Variants in AGMO observed in about 807,000 individuals in gnomAD.
AGMO encodes the protein glyceryl-ether monooxygenase.
Under a neutral mutation model 60.2 loss-of-function variants are expected in AGMO, and 75 were observed. The ratio of observed to expected loss-of-function variants is 1.25; its 90% CI spans 1.03 to 1.51. The LOEUF (loss-of-function observed/expected upper bound fraction) is 1.51. Among genes scored for constraint, AGMO ranks in the 40% most tolerant of loss-of-function variants. The pLI is 0.00. For synonymous variants in AGMO, 261 were observed against 177.1 expected, an observed-to-expected ratio of 1.47 and a Z score of -3.76; for missense variants, 763 against 525.5, an observed-to-expected ratio of 1.45 and a Z score of -4.42.
chr7:15,184,955 GA>G, the AGMO span, among the ~76,000 whole-genome samples: 1 of 151,892 alleles, frequency 6.6e-6, no homozygotes, highest in African/African-American at 2.4e-5. Flanking sequence ...GAAAGAAGGA[GA>G]GAAGGAAGTA....
chr7:15,217,059 C>G (rs1007674230), intron 12 of AGMO, among the ~76,000 whole-genome samples: 3 of 151,910 alleles, frequency 2.0e-5, no homozygotes, highest in African/African-American at 7.3e-5. Context: ...AAAAGAAATA[C>G]TAGAGTCTAT....
intron 1 of AGMO, 122 bp downstream of exon 1, chr7:15,561,598 T>A: frequency 2.0e-6 from 2 of 1,011,398 alleles, no homozygotes; most frequent in Non-Finnish European, 2.7e-6. Flanking sequence ...AGAAACTGAA[T>A]TATTATTATT....
the AGMO span, among the ~76,000 whole-genome samples, chr7:15,147,722 G>A: frequency 6.6e-6 from 1 of 152,064 alleles, no homozygotes; most frequent in East Asian, 1.9e-4. Context: ...TTAAAAATAA[G>A]GAACTCTGTC....
intron 3 of AGMO, among the ~76,000 whole-genome samples, chr7:15,511,315 C>G (rs1054783518): frequency 1.1e-4 from 16 of 152,122 alleles, no homozygotes; most frequent in African/African-American, 3.1e-4. Flanking sequence ...TGTAAAAAAC[C>G]CACACTGATG....
In AGMO at chr7:15,247,459, C is replaced by CAGAGAGAG. The variant is rs35939832; in HGVS notation, c.1264-46108_1264-46101dup. 4.4e-3 allele frequency among the ~76,000 whole-genome samples: 503 copies of CAGAGAGAG among 115,230 alleles called. 8 individuals are homozygous for CAGAGAGAG. Among genetic ancestry groups the CAGAGAGAG allele is most frequent in the African/African-American group, 0.017 (469 of 28,284 alleles). 75.6% of individuals were successfully genotyped at this position (115,230 alleles called of 152,430 possible). A position where few individuals can be genotyped will look rare whatever the true frequency, so the allele number is the denominator to read the frequency against. Reference sequence around the variant, plus strand: ...ACACACACACACACACACACACACACAGAGAGAGAGAGAGAGAGAGGGAGA... The same window carrying CAGAGAGAG: ...ACACACACACACACACACACACACACAGAGAGAGAGAGAGAGAGAGAGAGAGAGGGAGA... On this transcript the variant is annotated intron_variant, in intron 12 of 12. Transcript: ENST00000342526.
At chr7:15,251,399 G>C (rs1365682087) in intron 12 of AGMO, among the ~76,000 whole-genome samples, 1 of 152,162 alleles carries the variant, frequency 6.6e-6, no homozygotes, top group Admixed American at 6.5e-5. Flanking sequence ...TGTTCCATCT[G>C]TGATGAAAGA....
At chr7:15,531,084 ATATATATATTC>A (rs1252930527) in intron 3 of AGMO, among the ~76,000 whole-genome samples, 9 of 5,636 alleles carry the variant, frequency 1.6e-3, no homozygotes, top group African/African-American at 2.4e-3. Context: ...TATATATTCT[ATATATATATTC>A]TATATATATT....
chr7:15,437,298 C>A (rs75662449), intron 3 of AGMO, among the ~76,000 whole-genome samples: 2 of 152,144 alleles, frequency 1.3e-5, no homozygotes, highest in East Asian at 1.9e-4. Context: ...AATGGCATTA[C>A]CAATTCATTC....
chr7:15,383,428 T>TA lies in AGMO; in HGVS notation c.1074+2017dup, dbSNP rs550852277. The stretch of plus-strand genomic sequence containing the variant: ...TCTGCCATATACAATAAAAAAACAA[T>TA]AAAAAAAAGTCCCACCTAACACTCC... On this transcript the variant is annotated intron_variant, in intron 10 of 12. Transcript: ENST00000342526. Among the ~76,000 whole-genome samples, 123 of 151,786 alleles carry TA rather than the reference T, an allele frequency of 8.1e-4. 1 individual carries two copies. The highest frequency in any genetic ancestry group is 2.7e-3 in the African/African-American group (112 of 41,396).
the AGMO span, among the ~76,000 whole-genome samples, chr7:15,154,290 A>C: frequency 2.6e-5 from 4 of 152,186 alleles, no homozygotes; most frequent in Non-Finnish European, 4.4e-5. Flanking sequence ...TAGCTGCAAA[A>C]AATAATAATA....
intron 12 of AGMO, among the ~76,000 whole-genome samples, chr7:15,315,102 T>C (rs981590605): frequency 1.3e-5 from 2 of 152,076 alleles, no homozygotes; most frequent in Admixed American, 6.5e-5. Context: ...GGAGTGAACC[T>C]TGATTTTGCC....
At chr7:15,299,886 C>CACACACACACACAAAA (rs774065679) in intron 12 of AGMO, among the ~76,000 whole-genome samples, 8 of 114,692 alleles carry the variant, frequency 7.0e-5, no homozygotes, top group African/African-American at 3.4e-4. Flanking sequence ...CACACACACA[C>CACACACACACACAAAA]AGTATGTTTT....
intron 12 of AGMO, among the ~76,000 whole-genome samples, chr7:15,297,904 T>C (rs1333304993): frequency 1.3e-5 from 2 of 152,308 alleles, no homozygotes. Context: ...CTATTCTTAT[T>C]GGTTAAATAT....
At chr7:15,524,348 G>A (rs1784071164) in intron 3 of AGMO, among the ~76,000 whole-genome samples, 1 of 151,926 alleles carries the variant, frequency 6.6e-6, no homozygotes, top group Non-Finnish European at 1.5e-5. Flanking sequence ...TATAACTCCA[G>A]TATAATAATT....
chr7:15,513,338 C>T (rs1783727023), intron 3 of AGMO, among the ~76,000 whole-genome samples: 1 of 152,114 alleles, frequency 6.6e-6, no homozygotes, highest in Non-Finnish European at 1.5e-5. Flanking sequence ...TGGATTTTGA[C>T]TATAATTATC....
the AGMO span, among the ~76,000 whole-genome samples, chr7:15,142,057 C>CT: frequency 5.3e-5 from 8 of 152,124 alleles, no homozygotes; most frequent in Non-Finnish European, 8.8e-5. Flanking sequence ...TCATCGAGCT[C>CT]TAATACTATA....
At position 15,201,211 on chromosome 7, in the gene AGMO, T is replaced by C. The variant is rs1781270686; in HGVS notation, c.*74A>G. The C allele has an allele frequency of 1.1e-6, 1 of 935,960 alleles. No homozygotes were observed. Among genetic ancestry groups the C allele is most frequent in the Non-Finnish European group, 1.6e-6 (1 of 627,474 alleles). The allele number at this position is 935,960 out of a possible 1,614,324, so 58.0% of individuals were successfully genotyped here. A position where few individuals can be genotyped will look rare whatever the true frequency, so the allele number is the denominator to read the frequency against. On this transcript the variant is annotated 3_prime_UTR_variant, in exon 13 of 13. Transcript: ENST00000342526. ...TTCATATAAGCATTACATAAAATAA[T>C]TACATTTTAATATGCAGTCATAATA...
chr7:15,297,853 A>G (rs963007214), intron 12 of AGMO, among the ~76,000 whole-genome samples: 3 of 152,188 alleles, frequency 2.0e-5, no homozygotes, highest in African/African-American at 7.2e-5. Context: ...AGAATAAATA[A>G]TAGATATTGA....
chr7:15,303,376 T>C (rs1780510235), intron 12 of AGMO, among the ~76,000 whole-genome samples: 1 of 151,780 alleles, frequency 6.6e-6, no homozygotes, highest in Non-Finnish European at 1.5e-5. Flanking sequence ...AGAAAAATAC[T>C]AGCAAGATGA....
Sources: allele counts gnomAD v4.1 joint callset (sites outside exome capture counted in the v4.1 genomes callset), GRCh38; gene constraint gnomAD v4.1.1; transcripts MANE v1.5; gene names NCBI Gene and HGNC (gene_info 2026-07-23, HGNC 2026-07-21).